Variants in MTUS2 observed in about 807,000 individuals in gnomAD.
The protein encoded by MTUS2 is microtubule associated scaffold protein 2.
Under a neutral mutation model 114.1 loss-of-function variants are expected in MTUS2, and 40 were observed. The ratio of observed to expected loss-of-function variants is 0.35; its 90% CI spans 0.27 to 0.46. The LOEUF is 0.46. MTUS2 is among the 20% of genes least tolerant of loss of function. The pLI is 1.00. For missense variants in MTUS2, 1,679 were observed against 1,705.4 expected (o/e 0.98, Z 0.27); for synonymous variants, 688 against 672.0 (o/e 1.02, Z -0.37).
intron 2 of MTUS2, among the ~76,000 whole-genome samples, chr13:28,883,951 A>C (rs1245179238): frequency 1.3e-5 from 2 of 152,140 alleles, no homozygotes; most frequent in Admixed American, 6.6e-5. Context: ...GGGAATGTGA[A>C]ATGGTGTAAC....
At chr13:29,375,458 CAACCGCAATTACTTACTTTTAATGGCAAA>C in intron 8 of MTUS2, among the ~76,000 whole-genome samples, 1 of 55,144 alleles carries the variant, frequency 1.8e-5, no homozygotes, top group Non-Finnish European at 3.7e-5. Flanking sequence ...TTAATGGCAA[CAACCGCAATTACTTACTTTTAATGGCAAA>C]AACCGCAATC....
At chr13:29,163,277 C>A (rs754112959) in intron 5 of MTUS2, among the ~76,000 whole-genome samples, 2 of 152,194 alleles carry the variant, frequency 1.3e-5, no homozygotes, top group Non-Finnish European at 2.9e-5. Flanking sequence ...TCATCAGGAA[C>A]AGCCAGTGGG....
intron 2 of MTUS2, among the ~76,000 whole-genome samples, chr13:28,853,613 T>C (rs944341989): frequency 6.6e-6 from 1 of 152,196 alleles, no homozygotes; most frequent in African/African-American, 2.4e-5. Flanking sequence ...TGTATGGGAT[T>C]AAGTAGATTT....
chr13:29,119,070 C>A (rs1293712446), intron 5 of MTUS2, among the ~76,000 whole-genome samples: 1 of 152,120 alleles, frequency 6.6e-6, no homozygotes, highest in African/African-American at 2.4e-5. Flanking sequence ...GGAGGACATA[C>A]AAGATACGTT....
intron 15 of MTUS2, among the ~76,000 whole-genome samples, chr13:29,501,452 G>A (rs892019058): frequency 6.6e-6 from 1 of 152,214 alleles, no homozygotes; most frequent in Non-Finnish European, 1.5e-5. Context: ...ACTGGGAGGG[G>A]AAGGGGTTTA....
intron 5 of MTUS2, among the ~76,000 whole-genome samples, chr13:29,235,052 C>T (rs921538036): frequency 1.3e-5 from 2 of 151,980 alleles, no homozygotes; most frequent in African/African-American, 4.8e-5. Context: ...TTAATATCAT[C>T]TGCAAGTAAT....
intron 8 of MTUS2, among the ~76,000 whole-genome samples, chr13:29,400,238 T>C (rs1373307547): frequency 1.3e-5 from 2 of 152,188 alleles, no homozygotes; most frequent in African/African-American, 2.4e-5. Flanking sequence ...AGGTCTGAGA[T>C]AGAAGGAATG....
intron 11 of MTUS2, among the ~76,000 whole-genome samples, chr13:29,491,854 GTGCCA>G: frequency 6.8e-6 from 1 of 147,534 alleles, no homozygotes; most frequent in Admixed American, 6.8e-5. Flanking sequence ...TGTGTGGCAT[GTGCCA>G]TGTATGTGAT....
chr13:28,957,327 T>C (rs1883118743), intron 2 of MTUS2, among the ~76,000 whole-genome samples: 2 of 152,210 alleles, frequency 1.3e-5, no homozygotes, highest in South Asian at 2.1e-4. Context: ...TGCACCATGG[T>C]TCTTCTCTCC....
intron 4 of MTUS2, among the ~76,000 whole-genome samples, chr13:29,062,990 G>A (rs549058508): frequency 1.3e-5 from 2 of 152,278 alleles, no homozygotes; most frequent in South Asian, 4.1e-4. Context: ...AGTTTGGACT[G>A]TCGTCAGGTC....
At chr13:29,171,619 C>T (rs577073886) in intron 5 of MTUS2, among the ~76,000 whole-genome samples, 43 of 152,238 alleles carry the variant, frequency 2.8e-4, no homozygotes, top group African/African-American at 9.4e-4. Flanking sequence ...TTTGTCTGCA[C>T]GTGACACAAA....
chr13:29,498,114 C>T (rs768435483), intron 13 of MTUS2, among the ~76,000 whole-genome samples: 94 of 152,170 alleles, frequency 6.2e-4, no homozygotes, highest in Non-Finnish European at 1.1e-3. Context: ...CTCTTTCTAC[C>T]CCATGAATTC....
chr13:29,015,905 GTTC>G (rs530112361), intron 2 of MTUS2, among the ~76,000 whole-genome samples: 156 of 151,822 alleles, frequency 1.0e-3, no homozygotes, highest in African/African-American at 3.2e-3. Flanking sequence ...ATGAAGATTC[GTTC>G]TTCTTCTTTT....
intron 4 of MTUS2, among the ~76,000 whole-genome samples, chr13:29,069,926 G>A (rs1888836290): frequency 1.3e-5 from 2 of 152,090 alleles, no homozygotes; most frequent in South Asian, 4.1e-4. Flanking sequence ...TGAGCTCCTA[G>A]CACAAAGCTT....
At chr13:29,417,514 A>G (rs754410470) in intron 8 of MTUS2, among the ~76,000 whole-genome samples, 5 of 149,920 alleles carry the variant, frequency 3.3e-5, no homozygotes, top group Non-Finnish European at 7.4e-5. Context: ...TCTCATTTTT[A>G]TGTTCTTGGT....
At chr13:28,841,451 G>A (rs1443245657) in intron 2 of MTUS2, among the ~76,000 whole-genome samples, 2 of 152,156 alleles carry the variant, frequency 1.3e-5, no homozygotes, top group Admixed American at 6.5e-5. Flanking sequence ...CCGCTGGAGC[G>A]GCCGGAAGGT....
chr13:29,345,451 G>T lies in MTUS2; in HGVS notation c.2906-13811G>T, dbSNP rs1188200508. Among the ~76,000 whole-genome samples, 3 of 151,470 alleles carry T rather than the reference G, an allele frequency of 2.0e-5. No homozygotes were observed. The East Asian group carries it at 5.9e-4, about 30-fold the overall frequency. On this transcript the variant is annotated intron_variant, in intron 7 of 15. Coordinates refer to ENST00000612955, the MANE Select transcript of MTUS2 (RefSeq NM_001033602.4). ...TTCTTCTGCTTGTTTGATTCTATTG[G>T]TGACAGTTTCCAGTGTATTTTGCAT... is the stretch of plus-strand genomic sequence containing the variant.
At chr13:29,136,744 T>C (rs1228038206) in intron 5 of MTUS2, among the ~76,000 whole-genome samples, 7 of 152,156 alleles carry the variant, frequency 4.6e-5, no homozygotes, top group Non-Finnish European at 1.0e-4. Flanking sequence ...TTCATATGTA[T>C]TTTTTGTACT....
At chr13:29,150,478 C>T (rs1892621106) in intron 5 of MTUS2, among the ~76,000 whole-genome samples, 2 of 152,140 alleles carry the variant, frequency 1.3e-5, no homozygotes, top group Admixed American at 1.3e-4. Context: ...TATTTTCTCT[C>T]ATTCTATAGG....
Sources: gnomAD v4.1 joint callset for allele counts (sites outside exome capture counted in the v4.1 genomes callset) on GRCh38, gnomAD v4.1.1 for gene constraint, MANE v1.5 for transcripts, NCBI Gene and HGNC (gene_info 2026-07-23, HGNC 2026-07-21) for gene names.